PLA2G4E: variants seen among roughly 807,000 people sequenced by gnomAD.
The protein encoded by PLA2G4E is phospholipase A2 group IVE, also known as cytosolic phospholipase A2 epsilon.
In PLA2G4E, 84 loss-of-function variants were observed where a neutral mutation model predicts 109.1. The observed-to-expected ratio is 0.77, with a 90% CI of 0.65 to 0.92. The LOEUF is 0.92. PLA2G4E is among the 40% of genes least tolerant of loss of function. PLA2G4E has a pLI of 0.00. For missense variants in PLA2G4E, 1,057 were observed against 1,076.6 expected (o/e 0.98, Z 0.25); for synonymous variants, 469 against 436.1 (o/e 1.08, Z -0.94).
exon 19 of PLA2G4E, chr15:41,984,444 T>C: frequency 6.2e-7 from 1 of 1,612,302 alleles, no homozygotes. Context: ...ACCTGGTGCC[T>C]TGTATTTTCG....
At chr15:42,039,724 C>T (rs891624771) in intron 1 of PLA2G4E, among the ~76,000 whole-genome samples, 1 of 151,560 alleles carries the variant, frequency 6.6e-6, no homozygotes, top group African/African-American at 2.4e-5. Flanking sequence ...AATATATAAA[C>T]CTAAGGAGAA....
intron 1 of PLA2G4E, among the ~76,000 whole-genome samples, chr15:42,028,621 G>T (rs1419257098): frequency 6.6e-6 from 1 of 152,010 alleles, no homozygotes; most frequent in Non-Finnish European, 1.5e-5. Context: ...GGGCCAGGCT[G>T]GTGTCAAACT....
intron 14 of PLA2G4E, 107 bp from the exon 15 acceptor site, chr15:41,989,659 G>C: frequency 7.0e-7 from 1 of 1,421,764 alleles, no homozygotes. Flanking sequence ...TGGAAAGCCT[G>C]GGACAGGGAG....
chr15:42,001,920 C>T (rs113654510), intron 6 of PLA2G4E, among the ~76,000 whole-genome samples: 2,672 of 152,196 alleles, frequency 0.018, 75 homozygotes, highest in African/African-American at 0.06. Context: ...TTTGAACTCC[C>T]GGGCTCAAGT....
Position 41,988,175 on chromosome 15 carries a change from G to A in PLA2G4E, c.1724-19C>T, listed in dbSNP as rs980864273. Reference sequence around the variant, plus strand: ...CACAGGCCTGGGAGCCAGGGCCAGCGTGAGCAGCTCCACCCTGCAGCCCCA... The same window carrying A: ...CACAGGCCTGGGAGCCAGGGCCAGCATGAGCAGCTCCACCCTGCAGCCCCA... On this transcript the variant is annotated intron_variant, in intron 15 of 19. Coordinates refer to ENST00000399518, the Ensembl canonical transcript of PLA2G4E. The A allele has an allele frequency of 3.2e-6, 5 of 1,552,500 alleles. No individual in the cohort carries two copies. The highest frequency in any genetic ancestry group is 1.2e-5 in the South Asian group (1 of 85,810).
At chr15:42,005,331 G>A (rs1488257973) in intron 4 of PLA2G4E, among the ~76,000 whole-genome samples, 2 of 152,200 alleles carry the variant, frequency 1.3e-5, no homozygotes, top group Non-Finnish European at 2.9e-5. Context: ...GCTGAGATAC[G>A]CCTTCAGAAA....
At chr15:42,001,748 G>A (rs1202336385) in intron 6 of PLA2G4E, among the ~76,000 whole-genome samples, 3 of 152,178 alleles carry the variant, frequency 2.0e-5, no homozygotes, top group South Asian at 2.1e-4. Flanking sequence ...CTGGAGTGCA[G>A]TGTCATAATC....
chr15:42,034,759 A>G (rs1889178754), intron 1 of PLA2G4E, among the ~76,000 whole-genome samples: 1 of 152,222 alleles, frequency 6.6e-6, no homozygotes, highest in South Asian at 2.1e-4. Context: ...ACTCAGCCTT[A>G]AAAAGTTGAG....
intron 1 of PLA2G4E, among the ~76,000 whole-genome samples, chr15:42,037,123 G>A (rs546010714): frequency 6.6e-6 from 1 of 152,364 alleles, no homozygotes; most frequent in African/African-American, 2.4e-5. Flanking sequence ...GCTCCGTGCT[G>A]GCCTGTAGGT....
At chr15:41,989,575 G>C (rs771018264) in intron 14 of PLA2G4E, 23 bp from the exon 15 acceptor site, 7 of 1,607,334 alleles carry the variant, frequency 4.4e-6, no homozygotes, top group African/African-American at 2.7e-5. Context: ...CAGCAGGACG[G>C]GGGTCAGTCT....
At chr15:42,030,583 G>A (rs1438093506) in intron 1 of PLA2G4E, among the ~76,000 whole-genome samples, 1 of 152,218 alleles carries the variant, frequency 6.6e-6, no homozygotes, top group Non-Finnish European at 1.5e-5. Context: ...GCCTGTGTGA[G>A]AGGGAGATGG....
intron 1 of PLA2G4E, among the ~76,000 whole-genome samples, chr15:42,046,380 C>T (rs945640624): frequency 8.5e-5 from 13 of 152,244 alleles, no homozygotes; most frequent in Admixed American, 3.3e-4. Flanking sequence ...CTTGCTTTCC[C>T]TGCTCTCTGC....
exon 2 of PLA2G4E, chr15:42,013,725 C>T (rs2141057201): frequency 6.4e-7 from 1 of 1,550,710 alleles, no homozygotes; most frequent in African/African-American, 1.4e-5. Context: ...GGATGACCCT[C>T]ACTGTCAACA....
At chr15:41,987,233 G>T in exon 17 of PLA2G4E, 1 of 1,614,020 alleles carries the variant, frequency 6.2e-7, no homozygotes, top group Non-Finnish European at 8.5e-7. Flanking sequence ...GCCCAGACAG[G>T]AAGTTGTGAA....
At chr15:42,049,669 G>T (rs1160686913) in intron 1 of PLA2G4E, among the ~76,000 whole-genome samples, 1 of 152,160 alleles carries the variant, frequency 6.6e-6, no homozygotes, top group African/African-American at 2.4e-5. Flanking sequence ...GACCAGAGGG[G>T]TCCATAGGAG....
chr15:42,047,186 C>G (rs1889430920), intron 1 of PLA2G4E, among the ~76,000 whole-genome samples: 1 of 152,076 alleles, frequency 6.6e-6, no homozygotes, highest in Admixed American at 6.5e-5. Flanking sequence ...CTATGTTGAC[C>G]AGGCTGAACT....
chr15:41,986,521 A>ATT (rs879585887), intron 17 of PLA2G4E, among the ~76,000 whole-genome samples: 3 of 140,104 alleles, frequency 2.1e-5, no homozygotes, highest in African/African-American at 2.6e-5. Flanking sequence ...CACCACTCAC[A>ATT]TTTTTTTTTT....
chr15:42,000,222 C>T (rs752440353), exon 8 of PLA2G4E: 4 of 1,585,984 alleles, frequency 2.5e-6, no homozygotes, highest in Admixed American at 1.8e-5. Context: ...GGGTTCCAAG[C>T]AGGGCCGGAC....
chr15:41,988,716 C>T (rs550252193), intron 15 of PLA2G4E, among the ~76,000 whole-genome samples: 10 of 152,242 alleles, frequency 6.6e-5, no homozygotes, highest in Non-Finnish European at 7.4e-5. Flanking sequence ...TTCAAGCCCA[C>T]GTGTTTTGCC....
Sources: gnomAD v4.1 joint callset for allele counts (sites outside exome capture counted in the v4.1 genomes callset) on GRCh38, gnomAD v4.1.1 for gene constraint, MANE v1.5 for transcripts, NCBI Gene and HGNC (gene_info 2026-07-23, HGNC 2026-07-21) for gene names.